ATXN7L1: variants seen among roughly 807,000 people sequenced by gnomAD.
ATXN7L1 encodes ataxin-7-like protein 1.
Under a neutral mutation model 70.8 loss-of-function variants are expected in ATXN7L1, and 15 were observed. That is an observed-to-expected ratio of 0.21 (90% CI 0.14 to 0.33). The LOEUF is 0.33. Among genes scored for constraint, ATXN7L1 ranks in the 10% least tolerant of loss-of-function variants. The probability of loss-of-function intolerance (pLI) is 1.00; values close to 1 mark genes in which losing one functional copy is unlikely to be tolerated. For synonymous variants in ATXN7L1, 440 were observed against 445.1 expected (o/e 0.99, Z 0.14); for missense variants, 975 against 1,097.1 (o/e 0.89, Z 1.57).
At chr7:105,696,825 C>T (rs1393500050) in intron 3 of ATXN7L1, among the ~76,000 whole-genome samples, 1 of 152,206 alleles carries the variant, frequency 6.6e-6, no homozygotes, top group African/African-American at 2.4e-5. Flanking sequence ...CCGAAAATCA[C>T]GTAGGTTCTT....
intron 2 of ATXN7L1, 41 bp downstream of exon 2, chr7:105,875,771 G>C: frequency 6.4e-7 from 1 of 1,558,150 alleles, no homozygotes; most frequent in Non-Finnish European, 8.9e-7. Context: ...TGAAGATTCT[G>C]CCACACATGC....
chr7:105,622,891 C>T (rs1455093569), intron 8 of ATXN7L1, among the ~76,000 whole-genome samples: 1 of 152,140 alleles, frequency 6.6e-6, no homozygotes, highest in East Asian at 1.9e-4. Flanking sequence ...GTACAGGGAC[C>T]ATGCGTGAAA....
At position 105,665,231 on chromosome 7, in the gene ATXN7L1, T is replaced by C. The variant is rs745740493; in HGVS notation, c.413A>G (p.Asn138Ser). Residue 138 changes from asparagine (N) to serine (S), a missense_variant, in exon 4 of 12, where the codon AAT (asparagine) becomes AGT (serine). Around this residue, in one of 5 missense-constraint regions of ATXN7L1, gnomAD observed 192 missense variants for 215.5 expected, o/e 0.89. Coordinates refer to ENST00000419735, the MANE Select transcript of ATXN7L1 (RefSeq NM_020725.2). ...CACCTGTACTAGTGATGTCCTGGGA[T>C]TGGAGGCTGGAGACACTGGAGAGGG... ...PSPSPVSPAS[N>S]PRTSLVQVKT... is the part of the protein sequence containing the mutation. 6 of 1,551,624 alleles carry C rather than the reference T, an allele frequency of 3.9e-6. No homozygotes were observed. The East Asian group carries it at 9.8e-5, about 25-fold the overall frequency.
chr7:105,829,743 A>C (rs924432515), intron 2 of ATXN7L1, among the ~76,000 whole-genome samples: 1 of 152,250 alleles, frequency 6.6e-6, no homozygotes, highest in African/African-American at 2.4e-5. Flanking sequence ...GAGAAAATAT[A>C]AAACTTCCTT....
At chr7:105,741,041 C>T (rs537339816) in intron 3 of ATXN7L1, among the ~76,000 whole-genome samples, 135 of 152,140 alleles carry the variant, frequency 8.9e-4, no homozygotes, top group African/African-American at 2.0e-3. Flanking sequence ...TGGGATTACA[C>T]GCGTGAGCCA....
chr7:105,767,181 A>G (rs2116428590), intron 3 of ATXN7L1, among the ~76,000 whole-genome samples: 1 of 152,256 alleles, frequency 6.6e-6, no homozygotes, highest in Non-Finnish European at 1.5e-5. Flanking sequence ...ATACAAGTGA[A>G]ATAAGTGCAC....
At chr7:105,684,236 T>A (rs993725142) in intron 3 of ATXN7L1, among the ~76,000 whole-genome samples, 1 of 152,200 alleles carries the variant, frequency 6.6e-6, no homozygotes, top group Non-Finnish European at 1.5e-5. Context: ...TATGAACCAG[T>A]CTAATCCCCC....
chr7:105,861,348 AG>A (rs1816608354), intron 2 of ATXN7L1, among the ~76,000 whole-genome samples: 1 of 152,068 alleles, frequency 6.6e-6, no homozygotes, highest in Non-Finnish European at 1.5e-5. Context: ...AGATACAGAC[AG>A]GAAGACCAAT....
chr7:105,820,344 A>G (rs1371011146), intron 2 of ATXN7L1, among the ~76,000 whole-genome samples: 1 of 152,152 alleles, frequency 6.6e-6, no homozygotes, highest in South Asian at 2.1e-4. Context: ...GACTTTCTAG[A>G]GCGCAAGGCT....
intron 5 of ATXN7L1, among the ~76,000 whole-genome samples, chr7:105,640,005 C>T (rs13244176): frequency 0.052 from 7,923 of 152,302 alleles, 259 homozygotes; most frequent in Middle Eastern, 0.095. Flanking sequence ...TCCTGGGCTG[C>T]TCCAAGAGTA....
chr7:105,735,360 C>T (rs180802578), intron 3 of ATXN7L1, among the ~76,000 whole-genome samples: 34 of 152,264 alleles, frequency 2.2e-4, no homozygotes, highest in South Asian at 6.2e-4. Flanking sequence ...TCAAGTTATG[C>T]GCTAATGGAA....
At chr7:105,628,926 T>C (rs1194494041) in intron 7 of ATXN7L1, among the ~76,000 whole-genome samples, 1 of 136,256 alleles carries the variant, frequency 7.3e-6, no homozygotes, top group East Asian at 2.1e-4. Flanking sequence ...ATATGTCACC[T>C]CACAGTTACC....
Position 105,614,630 on chromosome 7 carries a change from G to A in ATXN7L1, c.1704C>T (p.Phe568=), listed in dbSNP as rs771173276. The stretch of plus-strand genomic sequence containing the variant: ...GGGCGCTCGGGTCCGGCGATGTCAC[G>A]AAAGCTGCGTTTGAGAGCATGGCTG... The part of the protein sequence containing the change: ...MTSAMLSNAA[F]VTSPDPSALM... The change falls in exon 10 of 12, where the codon TTC becomes TTT. Residue 568 remains phenylalanine, a synonymous_variant. Coordinates refer to ENST00000419735, the MANE Select transcript of ATXN7L1 (RefSeq NM_020725.2). The surrounding 1 kb of genome is among the most constrained non-coding windows in gnomAD (Gnocchi z 4.3). 3.4e-5 allele frequency: 53 copies of A among 1,551,672 alleles called. No individual in the cohort carries two copies. Among genetic ancestry groups the A allele is most frequent in the African/African-American group, 5.5e-5 (4 of 73,012 alleles).
At chr7:105,842,008 T>C (rs950064236) in intron 2 of ATXN7L1, among the ~76,000 whole-genome samples, 1 of 152,144 alleles carries the variant, frequency 6.6e-6, no homozygotes, top group African/African-American at 2.4e-5. Context: ...TGCCTGAAGT[T>C]GCCCGGCTGG....
rs1563048537 is a variant in ATXN7L1 at position 105,733,537 on chromosome 7, TCCAC to T, written c.355+55063_355+55066del. Among the ~76,000 whole-genome samples, 50 of 106,948 alleles carry T rather than the reference TCCAC, an allele frequency of 4.7e-4. 2 individuals carry two copies. Among genetic ancestry groups the T allele is most frequent in the East Asian group, 2.4e-3 (8 of 3,362 alleles). The allele number at this position is 106,948 out of a possible 152,430, so 70.2% of individuals were successfully genotyped here. ...ATCCACCCATCCATCCATCCATCCA[TCCAC>T]CCATCCATCCATCCACCCATCCATC... is the stretch of plus-strand genomic sequence containing the variant. On this transcript the variant is annotated intron_variant, in intron 3 of 11. Transcript: ENST00000419735.
intron 4 of ATXN7L1, among the ~76,000 whole-genome samples, chr7:105,650,229 G>T (rs1031112313): frequency 5.9e-5 from 9 of 152,164 alleles, no homozygotes; most frequent in Admixed American, 2.0e-4. Flanking sequence ...CTACTACCGT[G>T]GTATGACAGA....
chr7:105,795,881 T>C (rs1805918218), intron 2 of ATXN7L1, among the ~76,000 whole-genome samples: 1 of 152,214 alleles, frequency 6.6e-6, no homozygotes, highest in Non-Finnish European at 1.5e-5. Context: ...GCTATAGGAA[T>C]TACAAAAATG....
At chr7:105,866,643 G>T (rs1326812741) in intron 2 of ATXN7L1, among the ~76,000 whole-genome samples, 1 of 152,194 alleles carries the variant, frequency 6.6e-6, no homozygotes, top group African/African-American at 2.4e-5. Flanking sequence ...GAGAGAGTAA[G>T]AGAATGCCAG....
intron 3 of ATXN7L1, among the ~76,000 whole-genome samples, chr7:105,668,924 T>G (rs1173150602): frequency 6.6e-6 from 1 of 152,028 alleles, no homozygotes; most frequent in East Asian, 1.9e-4. Context: ...TATATATTTT[T>G]TTTTTGCAGA....
Sources: allele counts gnomAD v4.1 joint callset (sites outside exome capture counted in the v4.1 genomes callset), GRCh38; gene constraint gnomAD v4.1.1; regional missense constraint gnomAD v4.1.1; non-coding constraint Gnocchi (gnomAD v3.1); transcripts MANE v1.5; gene names NCBI Gene and HGNC (gene_info 2026-07-23, HGNC 2026-07-21).